Variants in G3BP1 observed in about 807,000 individuals in gnomAD.
G3BP1 encodes the protein ras GTPase-activating protein-binding protein 1.
In G3BP1, 35 loss-of-function variants were observed where a neutral mutation model predicts 58.6. The observed-to-expected ratio is 0.60, with a 90% CI of 0.46 to 0.79. G3BP1 has a LOEUF of 0.79. Ranked by LOEUF, G3BP1 falls within the 30% of genes least tolerant of loss-of-function variation. The pLI, the probability that G3BP1 is intolerant of heterozygous loss-of-function variation, is 0.00. For synonymous variants in G3BP1, 191 were observed against 195.4 expected (o/e 0.98, Z 0.19); for missense variants, 523 against 580.8 (o/e 0.90, Z 1.02).
intron 1 of G3BP1, among the ~76,000 whole-genome samples, chr5:151,783,669 G>T (rs1762510701): frequency 6.6e-6 from 1 of 151,906 alleles, no homozygotes; most frequent in Non-Finnish European, 1.5e-5. Flanking sequence ...GGGATTACAG[G>T]CGCCAGCCCC....
At chr5:151,777,874 A>T (rs1402536597) in intron 1 of G3BP1, among the ~76,000 whole-genome samples, 2 of 149,608 alleles carry the variant, frequency 1.3e-5, no homozygotes, top group Non-Finnish European at 2.9e-5. Flanking sequence ...TCTTTTTATC[A>T]CTGTAGATTA....
At chr5:151,774,200 C>T (rs967414060) in intron 1 of G3BP1, among the ~76,000 whole-genome samples, 4 of 152,184 alleles carry the variant, frequency 2.6e-5, no homozygotes, top group Non-Finnish European at 5.9e-5. Flanking sequence ...GCTTTTGTAC[C>T]TCTTACAGGT....
rs371277041 is a variant in G3BP1, at chr5:151,786,737, T to G, written c.95+22T>G. ...ATAGGTAAGACATTTTTCTCCTGCA[T>G]CATCTAATGCTGTCTTTTAGTATGT... is the stretch of plus-strand genomic sequence containing the variant. On this transcript the variant is annotated intron_variant, in intron 2 of 11. Coordinates refer to ENST00000356245, the MANE Select transcript of G3BP1 (RefSeq NM_005754.3). The G allele has an allele frequency of 3.7e-4, 485 of 1,328,364 alleles. 3 individuals are homozygous for G. The highest frequency in any genetic ancestry group is 1.8e-4 in the Middle Eastern group (1 of 5,548). The allele number at this position is 1,328,364 out of a possible 1,614,324, so 82.3% of individuals were successfully genotyped here.
intron 6 of G3BP1, among the ~76,000 whole-genome samples, chr5:151,796,258 TC>T (rs1421720322): frequency 6.6e-6 from 1 of 152,034 alleles, no homozygotes; most frequent in Non-Finnish European, 1.5e-5. Flanking sequence ...AGGCAAAACA[TC>T]TGCAGTTTTG....
At chr5:151,800,960 A>G in intron 11 of G3BP1, 91 bp downstream of exon 11, 1 of 655,042 alleles carries the variant, frequency 1.5e-6, no homozygotes, top group Non-Finnish European at 2.7e-6. Flanking sequence ...GTCTTTATGT[A>G]AAGTGCAGTT....
intron 1 of G3BP1, among the ~76,000 whole-genome samples, chr5:151,784,137 C>A (rs911553234): frequency 6.6e-6 from 1 of 152,052 alleles, no homozygotes; most frequent in African/African-American, 2.4e-5. Flanking sequence ...GCTCTGGCAC[C>A]CAGGCCGAAG....
chr5:151,777,357 CT>C (rs1762390669), intron 1 of G3BP1, among the ~76,000 whole-genome samples: 2 of 152,062 alleles, frequency 1.3e-5, no homozygotes. Context: ...TTTTTGACAA[CT>C]TTTTTAAAGT....
intron 1 of G3BP1, among the ~76,000 whole-genome samples, chr5:151,786,183 G>A (rs1762552727): frequency 6.6e-6 from 1 of 152,190 alleles, no homozygotes. Context: ...CAGCTACTAT[G>A]GAGGCTGAGG....
intron 1 of G3BP1, among the ~76,000 whole-genome samples, chr5:151,778,173 CCT>C (rs1762405174): frequency 6.6e-6 from 1 of 152,166 alleles, no homozygotes; most frequent in East Asian, 1.9e-4. Context: ...AAAGAAACTC[CCT>C]GTTTTCCACA....
chr5:151,778,607 AAT>A, intron 1 of G3BP1, among the ~76,000 whole-genome samples: 1 of 151,974 alleles, frequency 6.6e-6, no homozygotes, highest in South Asian at 2.1e-4. Flanking sequence ...ACACCCGGCT[AAT>A]TTTTGTATTT....
chr5:151,808,972 T>C lies in G3BP1; in HGVS notation c.*4881T>C, dbSNP rs1011595153. 7 of 152,352 alleles carry C rather than the reference T, an allele frequency of 4.6e-5. 1 individual carries two copies. Among genetic ancestry groups the C allele is most frequent in the South Asian group, 4.1e-4 (2 of 4,832 alleles). 9.4% of individuals were successfully genotyped at this position (152,352 alleles called of 1,614,324 possible). A position where few individuals can be genotyped will look rare whatever the true frequency, so the allele number is the denominator to read the frequency against. On this transcript the variant is annotated 3_prime_UTR_variant, in exon 12 of 12. Transcript: ENST00000356245. ...CCAGAGGATTGCTCGAGGCCAGGAA[T>C]TTGAGACCAGCTTGGGCAACATAGC...
intron 5 of G3BP1, among the ~76,000 whole-genome samples, chr5:151,794,527 T>C (rs1371221188): frequency 2.6e-5 from 4 of 152,164 alleles, no homozygotes; most frequent in Non-Finnish European, 5.9e-5. Flanking sequence ...CATTTACCAA[T>C]AGGATGTCAT....
Position 151,811,627 on chromosome 5 carries a change from A to G in G3BP1, c.*7536A>G, listed in dbSNP as rs1359272517. The G allele has an allele frequency of 1.3e-5, 2 of 148,778 alleles. No homozygotes were observed. Among genetic ancestry groups the G allele is most frequent in the African/African-American group, 4.9e-5 (2 of 40,564 alleles). The allele number at this position is 148,778 out of a possible 1,614,324, so 9.2% of individuals were successfully genotyped here. On this transcript the variant is annotated 3_prime_UTR_variant, in exon 12 of 12. Coordinates refer to ENST00000356245, the MANE Select transcript of G3BP1 (RefSeq NM_005754.3). ...TTCCATCTTCAAACTGCAGAAATAG[A>G]TTTTTTTTTTTTACAAGCCAAAAAA...
chr5:151,779,729 A>C (rs1000574350), intron 1 of G3BP1, among the ~76,000 whole-genome samples: 1 of 152,238 alleles, frequency 6.6e-6, no homozygotes, highest in African/African-American at 2.4e-5. Flanking sequence ...GATTCACTTC[A>C]GTTAACCTGA....
chr5:151,792,885 G>A (rs1044711608), intron 4 of G3BP1, among the ~76,000 whole-genome samples: 3 of 152,162 alleles, frequency 2.0e-5, no homozygotes, highest in Non-Finnish European at 2.9e-5. Flanking sequence ...AAAGTGTTGG[G>A]ATTTCAGGAG....
Position 151,799,961 on chromosome 5 carries a change from C to A in G3BP1, c.916C>A (p.Gln306Lys). The A allele has an allele frequency of 6.2e-7, 1 of 1,612,510 alleles. No individual in the cohort carries two copies. The highest frequency in any genetic ancestry group is 2.2e-5 in the East Asian group (1 of 44,880). The part of the protein sequence containing the change: ...RPQRDQRVRE[Q>K]RINIPPQRGP... ...TCAGCGGGATCAAAGAGTGCGAGAACAACGAATAAATATTCCTCCCCAAAG... is the reference window on the plus strand; with the variant it reads ...TCAGCGGGATCAAAGAGTGCGAGAAAAACGAATAAATATTCCTCCCCAAAG... Residue 306 changes from glutamine (Q) to lysine (K), a missense_variant, in exon 9 of 12, where the codon CAA becomes AAA. Coordinates refer to ENST00000356245, the MANE Select transcript of G3BP1 (RefSeq NM_005754.3).
In G3BP1 at chr5:151,810,480, CTT is replaced by C. The variant is rs1356308197; in HGVS notation, c.*6390_*6391del. 2 of 152,234 alleles carry C rather than the reference CTT, an allele frequency of 1.3e-5. No individual in the cohort carries two copies. The highest frequency in any genetic ancestry group is 2.9e-5 in the Non-Finnish European group (2 of 68,052). The allele number at this position is 152,234 out of a possible 1,614,324, so 9.4% of individuals were successfully genotyped here. A position where few individuals can be genotyped will look rare whatever the true frequency, so the allele number is the denominator to read the frequency against. On this transcript the variant is annotated 3_prime_UTR_variant, in exon 12 of 12. Coordinates refer to ENST00000356245, the MANE Select transcript of G3BP1 (RefSeq NM_005754.3). ...CTCATCTACTTTCCACATTTTCCCT[CTT>C]GTTTGAGGTCCTGTTCCAACCTTCA...
chr5:151,791,874 C>G (rs1762663725), intron 4 of G3BP1: 2 of 324,570 alleles, frequency 6.2e-6, no homozygotes, highest in South Asian at 2.4e-5. Context: ...TCAGGCTGGT[C>G]TCTAACTCCT....
At chr5:151,795,882 G>A (rs540405455) in intron 6 of G3BP1, among the ~76,000 whole-genome samples, 1 of 152,214 alleles carries the variant, frequency 6.6e-6, no homozygotes, top group African/African-American at 2.4e-5. Context: ...AATGTATTGA[G>A]GTATTAAATG....
Sources: allele counts gnomAD v4.1 joint callset (sites outside exome capture counted in the v4.1 genomes callset), GRCh38; gene constraint gnomAD v4.1.1; transcripts MANE v1.5; gene names NCBI Gene and HGNC (gene_info 2026-07-23, HGNC 2026-07-21).